ARHGAP26: variants seen among roughly 807,000 people sequenced by gnomAD.
ARHGAP26 encodes rho GTPase-activating protein 26.
Under a neutral mutation model 104.8 loss-of-function variants are expected in ARHGAP26, and 38 were observed. The observed-to-expected ratio is 0.36, with a 90% CI of 0.28 to 0.48. The LOEUF is 0.48. Among genes scored for constraint, ARHGAP26 ranks in the 20% least tolerant of loss-of-function variants. The pLI is 0.99. For synonymous variants in ARHGAP26, 341 were observed against 340.0 expected (o/e 1.00, Z -0.03); for missense variants, 704 against 947.9 (o/e 0.74, Z 3.38).
At chr5:143,001,587 G>A (rs1026203563) in intron 11 of ARHGAP26, among the ~76,000 whole-genome samples, 9 of 152,254 alleles carry the variant, frequency 5.9e-5, no homozygotes, top group Non-Finnish European at 1.3e-4. Context: ...ATAAGGGTAT[G>A]TGGATTGGGA....
At chr5:143,038,959 G>T (rs1783062795) in intron 13 of ARHGAP26, among the ~76,000 whole-genome samples, 2 of 152,006 alleles carry the variant, frequency 1.3e-5, no homozygotes, top group African/African-American at 4.8e-5. Flanking sequence ...CTCCCAAAGT[G>T]CTGGGATTAC....
At position 143,052,868 on chromosome 5, in the gene ARHGAP26, T is replaced by C. The variant is rs17099836; in HGVS notation, c.1286-1571T>C. Among the ~76,000 whole-genome samples, 1,363 of 152,312 alleles carry C rather than the reference T, an allele frequency of 8.9e-3. 20 individuals are homozygous for C. Among genetic ancestry groups the C allele is most frequent in the African/African-American group, 0.031 (1,275 of 41,554 alleles). On this transcript the variant is annotated intron_variant, in intron 14 of 22. Transcript: ENST00000645722. ...CCTGCAGGAGGAACAGCTTTCTTCA[T>C]TGATGTCCCAGAATTATTCTTGGAG... is the stretch of plus-strand genomic sequence containing the variant.
Position 142,770,798 on chromosome 5 carries a change from C to T in ARHGAP26, c.37C>T (p.Leu13Phe). The T allele has an allele frequency of 6.3e-7, 1 of 1,597,158 alleles. No homozygotes were observed. Among genetic ancestry groups the T allele is most frequent in the Non-Finnish European group, 8.5e-7 (1 of 1,171,676 alleles). ...AGCGCTCGAGTTCAGCGACTGCTGC[C>T]TCGATAGTCCGCACTTCCGAGAGAC... ...LPALEFSDCC[L>F]DSPHFRETLK... The change falls in exon 1 of 23, where the codon CTC (leucine) becomes TTC (phenylalanine). Residue 13 changes from leucine (L) to phenylalanine (F), a missense_variant. By Grantham distance (22) the Leu-to-Phe change is conservative (BLOSUM62 0). Coordinates refer to ENST00000645722, the MANE Select transcript of ARHGAP26 (RefSeq NM_001135608.3).
At chr5:143,115,130 C>T (rs903756405) in intron 17 of ARHGAP26, among the ~76,000 whole-genome samples, 3 of 151,992 alleles carry the variant, frequency 2.0e-5, no homozygotes, top group South Asian at 2.1e-4. Flanking sequence ...GTCAGGAGTT[C>T]GAGAGGAGCC....
At chr5:143,051,697 G>T (rs1785051163) in intron 14 of ARHGAP26, among the ~76,000 whole-genome samples, 1 of 152,140 alleles carries the variant, frequency 6.6e-6, no homozygotes, top group African/African-American at 2.4e-5. Flanking sequence ...GCTATAAAAA[G>T]CCCTTTAGCC....
intron 20 of ARHGAP26, among the ~76,000 whole-genome samples, chr5:143,183,219 G>A (rs777657622): frequency 2.0e-5 from 3 of 152,140 alleles, no homozygotes; most frequent in African/African-American, 2.4e-5. Flanking sequence ...AGAGCTGAGG[G>A]GCAAGAGGTG....
chr5:142,998,525 C>T (rs1419153189), intron 11 of ARHGAP26, among the ~76,000 whole-genome samples: 1 of 152,164 alleles, frequency 6.6e-6, no homozygotes, highest in East Asian at 1.9e-4. Context: ...GTTGGTTGCT[C>T]AGGTCCGGTG....
At chr5:142,812,442 A>G (rs532597921) in intron 1 of ARHGAP26, among the ~76,000 whole-genome samples, 45 of 151,912 alleles carry the variant, frequency 3.0e-4, no homozygotes, top group African/African-American at 7.2e-4. Context: ...GGTTCAAGCA[A>G]TTCTCGTGCC....
chr5:142,908,631 T>C (rs983432780), intron 9 of ARHGAP26: 1 of 155,164 alleles, frequency 6.4e-6, no homozygotes, highest in African/African-American at 2.4e-5. Flanking sequence ...TTTTACCTTA[T>C]CTATTGGTTA....
intron 14 of ARHGAP26, among the ~76,000 whole-genome samples, chr5:143,042,396 T>A (rs1783598524): frequency 6.6e-6 from 1 of 152,200 alleles, no homozygotes; most frequent in African/African-American, 2.4e-5. Context: ...GCTTCTAGAT[T>A]TCAACCGAAT....
intron 12 of ARHGAP26, among the ~76,000 whole-genome samples, chr5:143,016,540 TA>T (rs1226996211): frequency 6.6e-6 from 1 of 151,860 alleles, no homozygotes; most frequent in African/African-American, 2.4e-5. Flanking sequence ...CTGTCTCTGC[TA>T]AAAATACAAA....
At chr5:142,836,071 CTT>C (rs1769494365) in intron 1 of ARHGAP26, among the ~76,000 whole-genome samples, 1 of 152,236 alleles carries the variant, frequency 6.6e-6, no homozygotes, top group African/African-American at 2.4e-5. Context: ...GGAATGGAAT[CTT>C]CACGTACATT....
intron 11 of ARHGAP26, among the ~76,000 whole-genome samples, chr5:142,988,229 G>C (rs1200288589): frequency 6.6e-6 from 1 of 152,170 alleles, no homozygotes; most frequent in East Asian, 1.9e-4. Flanking sequence ...GAGGGTGTAT[G>C]TGTCGTGGAA....
At position 143,225,143 on chromosome 5, in the gene ARHGAP26, G is replaced by C. The variant is rs1026375181; in HGVS notation, c.*2697G>C. 9 of 217,548 alleles carry C rather than the reference G, an allele frequency of 4.1e-5. No individual in the cohort carries two copies. The highest frequency in any genetic ancestry group is 7.4e-5 in the Non-Finnish European group (8 of 108,218). The allele number at this position is 217,548 out of a possible 1,614,324, so 13.5% of individuals were successfully genotyped here. Reference sequence around the variant, plus strand: ...CATACTATTACGCTTCTCAAAGAGAGACCAACATCATGCTTTTAACACATT... The same window carrying C: ...CATACTATTACGCTTCTCAAAGAGACACCAACATCATGCTTTTAACACATT... On this transcript the variant is annotated 3_prime_UTR_variant, in exon 23 of 23. Transcript: ENST00000645722.
chr5:142,872,033 C>T (rs985822840), intron 1 of ARHGAP26, among the ~76,000 whole-genome samples: 16 of 152,182 alleles, frequency 1.1e-4, no homozygotes, highest in African/African-American at 3.9e-4. Context: ...GAGCCCTGGT[C>T]CTGAGAACAG....
chr5:142,770,564 G>GTT lies in ARHGAP26; in HGVS notation c.-198_-197insTT. On this transcript the variant is annotated 5_prime_UTR_variant, in exon 1 of 23. Transcript: ENST00000645722. Reference sequence around the variant, plus strand: ...TCCGTTGCCCGCGCCCGGAACAGCAGCACCTCGGCCGGGTCCGAGCTCGGT... The same window carrying GTT: ...TCCGTTGCCCGCGCCCGGAACAGCAGTTCACCTCGGCCGGGTCCGAGCTCGGT... 4.4e-6 allele frequency: 1 copy of GTT among 226,940 alleles called. No homozygotes were observed. Among genetic ancestry groups the GTT allele is most frequent in the South Asian group, 1.7e-4 (1 of 5,958 alleles). The allele number at this position is 226,940 out of a possible 1,614,324, so 14.1% of individuals were successfully genotyped here.
intron 1 of ARHGAP26, among the ~76,000 whole-genome samples, chr5:142,778,883 C>G (rs1031145328): frequency 6.6e-6 from 1 of 151,482 alleles, no homozygotes; most frequent in African/African-American, 2.4e-5. Flanking sequence ...AAATCAGAAG[C>G]ATCCTTAACA....
At chr5:143,195,488 C>T (rs777168293) in intron 20 of ARHGAP26, among the ~76,000 whole-genome samples, 13 of 152,114 alleles carry the variant, frequency 8.5e-5, no homozygotes, top group Non-Finnish European at 1.5e-4. Context: ...GAGCCAATGC[C>T]CCTCAGCCTG....
intron 14 of ARHGAP26, among the ~76,000 whole-genome samples, chr5:143,049,061 C>T (rs1251426589): frequency 6.6e-6 from 1 of 152,054 alleles, no homozygotes; most frequent in East Asian, 1.9e-4. Flanking sequence ...AGTCATCTTA[C>T]CCCTTTCCAC....
Sources: allele counts gnomAD v4.1 joint callset (sites outside exome capture counted in the v4.1 genomes callset), GRCh38; gene constraint gnomAD v4.1.1; transcripts MANE v1.5; gene names NCBI Gene and HGNC (gene_info 2026-07-23, HGNC 2026-07-21).